ADCY8: variants seen among roughly 807,000 people sequenced by gnomAD.
ADCY8 encodes the protein adenylate cyclase 8.
In ADCY8, 51 loss-of-function variants were observed where a neutral mutation model predicts 119.7. That is an observed-to-expected ratio of 0.43 (90% CI 0.34 to 0.54). ADCY8 has a LOEUF of 0.54. ADCY8 is among the 20% of genes least tolerant of loss of function. The probability of loss-of-function intolerance (pLI) is 0.03; values close to 1 mark genes in which losing one functional copy is unlikely to be tolerated. For missense variants in ADCY8, 1,383 were observed against 1,598.8 expected, an observed-to-expected ratio of 0.87 and a Z score of 2.30; for synonymous variants, 665 against 651.0, an observed-to-expected ratio of 1.02 and a Z score of -0.33.
At chr8:130,892,872 C>G (rs1025658211) in intron 7 of ADCY8, 3 of 152,086 alleles carry the variant, frequency 2.0e-5, no homozygotes, top group Non-Finnish European at 4.4e-5. Flanking sequence ...TTAGAGCTGG[C>G]CTAAGGAATC....
At chr8:130,860,125 A>G (rs1817878477) in intron 9 of ADCY8, among the ~76,000 whole-genome samples, 1 of 152,094 alleles carries the variant, frequency 6.6e-6, no homozygotes, top group African/African-American at 2.4e-5. Context: ...GTGGTAGGTC[A>G]TTGTTTTAAT....
chr8:130,932,312 A>G (rs1820653422), intron 5 of ADCY8, among the ~76,000 whole-genome samples: 1 of 152,188 alleles, frequency 6.6e-6, no homozygotes, highest in South Asian at 2.1e-4. Flanking sequence ...AGACTGGCCA[A>G]GCAAGCCTGT....
chr8:130,860,250 G>A (rs962342645), intron 9 of ADCY8, among the ~76,000 whole-genome samples: 10 of 152,112 alleles, frequency 6.6e-5, no homozygotes, highest in African/African-American at 2.4e-4. Context: ...AAAAAATTGG[G>A]TTGTTTTCTA....
intron 1 of ADCY8, among the ~76,000 whole-genome samples, chr8:131,014,300 T>C (rs940345028): frequency 6.6e-6 from 1 of 152,212 alleles, no homozygotes; most frequent in Non-Finnish European, 1.5e-5. Flanking sequence ...TTTATGTACA[T>C]GGTGATTATG....
Position 130,962,786 on chromosome 8 carries a change from T to C in ADCY8, c.1111-10788A>G, listed in dbSNP as rs72716406. Among the ~76,000 whole-genome samples, 253 of 152,360 alleles carry C rather than the reference T, an allele frequency of 1.7e-3. 1 individual carries two copies. Among genetic ancestry groups the C allele is most frequent in the Non-Finnish European group, 3.1e-3 (209 of 68,038 alleles). On this transcript the variant is annotated intron_variant, in intron 2 of 17. Coordinates refer to ENST00000286355, the MANE Select transcript of ADCY8 (RefSeq NM_001115.3). ...CTTGCCACTTTCAGGCTCTCACAAATGGAGAGACTTCTTATTAATCTCTTT... is the reference window on the plus strand; with the variant it reads ...CTTGCCACTTTCAGGCTCTCACAAACGGAGAGACTTCTTATTAATCTCTTT...
At position 130,867,873 on chromosome 8, in the gene ADCY8, G is replaced by A. The variant is rs371333986; in HGVS notation, c.2183C>T (p.Ala728Val). Reference protein sequence around the residue: ...CAFIVLLFITAIQSLLPSSRV... With the variant: ...CAFIVLLFITVIQSLLPSSRV... ...TGAAGAAGGAAGCAAACTTTGTATT[G>A]CCGTGATAAATAGAAGAACGATAAA... Residue 728 changes from alanine (A) to valine (V), a missense_variant, in exon 9 of 18, where the codon GCA becomes GTA. By Grantham distance (64) the Ala-to-Val change is moderately conservative. Transcript: ENST00000286355. 1.3e-5 allele frequency: 21 copies of A among 1,611,746 alleles called. No homozygotes were observed. Among genetic ancestry groups the A allele is most frequent in the Non-Finnish European group, 1.6e-5 (19 of 1,178,698 alleles).
At chr8:130,875,931 G>T (rs1818545734) in intron 8 of ADCY8, among the ~76,000 whole-genome samples, 1 of 152,146 alleles carries the variant, frequency 6.6e-6, no homozygotes, top group African/African-American at 2.4e-5. Flanking sequence ...AAAATACTCA[G>T]CACAGAACTT....
At chr8:130,984,874 G>A (rs924821420) in intron 2 of ADCY8, among the ~76,000 whole-genome samples, 6 of 152,090 alleles carry the variant, frequency 3.9e-5, no homozygotes, top group Non-Finnish European at 7.4e-5. Context: ...GCTGGTGGTG[G>A]GCATCTGGAT....
At chr8:130,809,126 C>T (rs190129036) in intron 14 of ADCY8, among the ~76,000 whole-genome samples, 104 of 152,256 alleles carry the variant, frequency 6.8e-4, no homozygotes, top group African/African-American at 2.4e-3. Flanking sequence ...GGGTGTGAGG[C>T]CCTGTCCACC....
rs567022455 is a variant in ADCY8 at position 130,855,566 on chromosome 8, C to G, written c.2211-5763G>C. 1.3e-3 allele frequency among the ~76,000 whole-genome samples: 203 copies of G among 152,106 alleles called. 1 individual carries two copies. Among genetic ancestry groups the G allele is most frequent in the Non-Finnish European group, 1.3e-3 (87 of 68,000 alleles). On this transcript the variant is annotated intron_variant, in intron 9 of 17. Transcript: ENST00000286355. The stretch of plus-strand genomic sequence containing the variant: ...CCAGGAACCAGGGCATCAAGGCTTG[C>G]TCCCCTCCCCCACCCCGTCACACCA...
chr8:131,029,754 T>C (rs534587002), intron 1 of ADCY8, among the ~76,000 whole-genome samples: 2 of 152,236 alleles, frequency 1.3e-5, no homozygotes, highest in East Asian at 3.9e-4. Context: ...CTTCAAGGGA[T>C]AATTTCTGGT....
At chr8:131,011,676 C>T (rs1823309123) in intron 1 of ADCY8, among the ~76,000 whole-genome samples, 1 of 152,132 alleles carries the variant, frequency 6.6e-6, no homozygotes, top group African/African-American at 2.4e-5. Flanking sequence ...AAGGACCTGG[C>T]TTGGGGAGAA....
intron 12 of ADCY8, among the ~76,000 whole-genome samples, chr8:130,835,250 T>G (rs1318287347): frequency 2.0e-5 from 3 of 152,162 alleles, no homozygotes; most frequent in Non-Finnish European, 2.9e-5. Context: ...AGGGTCCAAG[T>G]GATGTCATCA....
intron 9 of ADCY8, among the ~76,000 whole-genome samples, chr8:130,854,837 CCCTTCCTTCCCTCCCTCCCTCTG>C (rs1817663733): frequency 2.1e-5 from 1 of 48,778 alleles, no homozygotes; most frequent in East Asian, 5.2e-4. Context: ...CTCCCTCCCT[CCCTTCCTTCCCTCCCTCCCTCTG>C]TAGGTCACTA....
At chr8:131,017,262 C>G (rs4736735) in intron 1 of ADCY8, among the ~76,000 whole-genome samples, 83,690 of 151,758 alleles carry the variant, frequency 0.55, 23,757 homozygotes, top group East Asian at 0.78. Flanking sequence ...TAGAGACGGG[C>G]TTTCGCCATG....
chr8:131,017,784 A>G (rs1586659716), intron 1 of ADCY8, among the ~76,000 whole-genome samples: 1 of 151,506 alleles, frequency 6.6e-6, no homozygotes, highest in African/African-American at 2.4e-5. Context: ...TCCCCCTCAG[A>G]GTTTTAAAAA....
intron 15 of ADCY8, among the ~76,000 whole-genome samples, chr8:130,791,458 A>G (rs1815424083): frequency 1.3e-5 from 2 of 152,378 alleles, no homozygotes; most frequent in South Asian, 4.1e-4. Context: ...CTGGTTTAAG[A>G]AATTGCTTAC....
chr8:130,843,535 G>A (rs1817209318), intron 11 of ADCY8, among the ~76,000 whole-genome samples: 1 of 152,134 alleles, frequency 6.6e-6, no homozygotes, highest in South Asian at 2.1e-4. Context: ...CAATAATAAA[G>A]CTCAGGCAAT....
chr8:130,937,225 A>G, intron 4 of ADCY8, 25 bp from the exon 5 acceptor site: 1 of 1,608,700 alleles, frequency 6.2e-7, no homozygotes, highest in Non-Finnish European at 8.5e-7. Context: ...ATAAGAGGGA[A>G]AGGTCTATGT....
Sources: gnomAD v4.1 joint callset for allele counts (sites outside exome capture counted in the v4.1 genomes callset) on GRCh38, gnomAD v4.1.1 for gene constraint, MANE v1.5 for transcripts, NCBI Gene and HGNC (gene_info 2026-07-23, HGNC 2026-07-21) for gene names.